The following CELF2 variants were observed in gnomAD, a reference collection of about 807,000 sequenced individuals.
CELF2 encodes CUGBP Elav-like family member 2.
In CELF2, 8 loss-of-function variants were observed where a neutral mutation model predicts 62.6. The ratio of observed to expected loss-of-function variants is 0.13; its 90% confidence interval spans 0.07 to 0.23. The LOEUF (loss-of-function observed/expected upper bound fraction) is 0.23, where lower values mean the gene tolerates loss of function less well. CELF2 is among the 10% of genes least tolerant of loss of function. The pLI, the probability that CELF2 is intolerant of heterozygous loss-of-function variation, is 1.00. For synonymous variants in CELF2, 258 were observed against 250.0 expected (o/e 1.03, Z -0.30); for missense variants, 333 against 671.0 (o/e 0.50, Z 5.56).
the CELF2 span, chr10:10,776,268 G>A: frequency 3.9e-5 from 6 of 153,382 alleles, no homozygotes; most frequent in East Asian, 1.9e-4. Context: ...CGTTTGGGGA[G>A]TTTAGCATAC....
chr10:10,929,917 T>C (rs2065900447), intron 2 of CELF2, among the ~76,000 whole-genome samples: 1 of 152,182 alleles, frequency 6.6e-6, no homozygotes, highest in Admixed American at 6.5e-5. Context: ...CCCAAAGCAT[T>C]AAATGTAAAA....
At chr10:10,748,604 C>T in the CELF2 span, among the ~76,000 whole-genome samples, 11 of 151,818 alleles carry the variant, frequency 7.2e-5, no homozygotes, top group South Asian at 6.3e-4. Flanking sequence ...AAAAAGTAGC[C>T]GGCCATGGTC....
the CELF2 span, among the ~76,000 whole-genome samples, chr10:10,617,696 T>A: frequency 1.5e-5 from 2 of 131,552 alleles, no homozygotes; most frequent in Non-Finnish European, 3.3e-5. Flanking sequence ...CTAAAGGGCC[T>A]TAGGCTTTGT....
chr10:10,762,283 T>A, the CELF2 span, among the ~76,000 whole-genome samples: 4 of 151,988 alleles, frequency 2.6e-5, no homozygotes, highest in Non-Finnish European at 4.4e-5. Context: ...ATGTCCACTC[T>A]GGGAAATGTA....
At chr10:10,833,141 A>G (rs892145234) in intron 1 of CELF2, among the ~76,000 whole-genome samples, 1 of 152,156 alleles carries the variant, frequency 6.6e-6, no homozygotes, top group Admixed American at 6.5e-5. Context: ...ATTCATTCTC[A>G]TGCATAAAAC....
chr10:10,546,226 T>G, the CELF2 span, among the ~76,000 whole-genome samples: 1 of 152,212 alleles, frequency 6.6e-6, no homozygotes, highest in Non-Finnish European at 1.5e-5. Flanking sequence ...ATACTGTGTG[T>G]GTGATGTTAA....
At chr10:10,607,004 G>GA in the CELF2 span, among the ~76,000 whole-genome samples, 1 of 151,964 alleles carries the variant, frequency 6.6e-6, no homozygotes, top group African/African-American at 2.4e-5. Context: ...TTTAATTAAA[G>GA]AAAAAAACAA....
chr10:10,559,893 A>C, the CELF2 span, among the ~76,000 whole-genome samples: 1 of 152,296 alleles, frequency 6.6e-6, no homozygotes, highest in Non-Finnish European at 1.5e-5. Flanking sequence ...AAAAATTTGC[A>C]CTAAAATCGT....
chr10:11,071,306 A>G (rs1454693543), intron 1 of CELF2, among the ~76,000 whole-genome samples: 3 of 152,236 alleles, frequency 2.0e-5, no homozygotes, highest in Non-Finnish European at 4.4e-5. Flanking sequence ...CAGGCATCCA[A>G]CATGTCTTAT....
intron 8 of CELF2, among the ~76,000 whole-genome samples, chr10:11,279,128 A>G (rs1198471997): frequency 6.6e-6 from 1 of 152,156 alleles, no homozygotes; most frequent in East Asian, 1.9e-4. Flanking sequence ...TTTTTCTAGG[A>G]TAAAGAATTG....
At chr10:10,891,407 C>T (rs911278724) in intron 1 of CELF2, among the ~76,000 whole-genome samples, 5 of 151,962 alleles carry the variant, frequency 3.3e-5, no homozygotes, top group African/African-American at 1.2e-4. Context: ...AAAGATTTCT[C>T]TTTCATCATC....
At chr10:10,603,350 A>G in the CELF2 span, among the ~76,000 whole-genome samples, 6 of 152,086 alleles carry the variant, frequency 3.9e-5, no homozygotes, top group African/African-American at 1.4e-4. Flanking sequence ...TGGAGGTAGA[A>G]TTATTTTCCA....
At chr10:11,160,082 T>C (rs966665616) in intron 1 of CELF2, among the ~76,000 whole-genome samples, 3 of 152,230 alleles carry the variant, frequency 2.0e-5, no homozygotes, top group African/African-American at 7.2e-5. Flanking sequence ...GGGACTGAAT[T>C]GGACACAGGC....
chr10:10,721,196 A>C, the CELF2 span, among the ~76,000 whole-genome samples: 2 of 152,250 alleles, frequency 1.3e-5, no homozygotes, highest in Non-Finnish European at 2.9e-5. Flanking sequence ...TTATTCCTGC[A>C]CTATTTGGGG....
At chr10:10,736,785 C>G in the CELF2 span, among the ~76,000 whole-genome samples, 13 of 152,002 alleles carry the variant, frequency 8.6e-5, no homozygotes, top group African/African-American at 2.9e-4. Context: ...TAATAACACA[C>G]AAAAATGAGA....
chr10:10,547,526 A>G, the CELF2 span, among the ~76,000 whole-genome samples: 2 of 152,262 alleles, frequency 1.3e-5, no homozygotes, highest in East Asian at 3.9e-4. Context: ...AGGTGTATTT[A>G]ATCATTCTTA....
At chr10:10,616,695 T>TGC in the CELF2 span, among the ~76,000 whole-genome samples, 2 of 107,644 alleles carry the variant, frequency 1.9e-5, no homozygotes, top group African/African-American at 7.4e-5. Flanking sequence ...TGTGTGCGTG[T>TGC]GTGTGTGTGT....
At chr10:10,687,054 G>T in the CELF2 span, among the ~76,000 whole-genome samples, 1 of 152,046 alleles carries the variant, frequency 6.6e-6, no homozygotes, top group Non-Finnish European at 1.5e-5. Flanking sequence ...TACCTGTTTC[G>T]ATTCTGCTTT....
intron 1 of CELF2, among the ~76,000 whole-genome samples, chr10:10,892,859 A>C: frequency 6.6e-6 from 1 of 152,252 alleles, no homozygotes; most frequent in Non-Finnish European, 1.5e-5. Context: ...TATTGTGTAA[A>C]GCTAACACAG....
Sources: gnomAD v4.1 joint callset for allele counts (sites outside exome capture counted in the v4.1 genomes callset) on GRCh38, gnomAD v4.1.1 for gene constraint, MANE v1.5 for transcripts, NCBI Gene and HGNC (gene_info 2026-07-23, HGNC 2026-07-21) for gene names.